Variants in BCL7C observed in about 807,000 individuals in gnomAD.
BCL7C encodes the protein B-cell CLL/lymphoma 7 protein family member C.
BCL7C carries 8 observed loss-of-function variants against 26.2 expected under a neutral mutation model. The ratio of observed to expected loss-of-function variants is 0.30; its 90% CI spans 0.18 to 0.55. The LOEUF (loss-of-function observed/expected upper bound fraction) is 0.55, where lower values mean the gene tolerates loss of function less well. Among genes scored for constraint, BCL7C ranks in the 20% least tolerant of loss-of-function variants. The pLI, the probability that BCL7C is intolerant of heterozygous loss-of-function variation, is 0.93. For missense variants in BCL7C, 262 were observed against 298.5 expected (o/e 0.88, Z 0.90); for synonymous variants, 90 against 116.5 (o/e 0.77, Z 1.47).
chr16:30,860,579 G>A (rs905725093), intron 5 of BCL7C, among the ~76,000 whole-genome samples: 1 of 152,024 alleles, frequency 6.6e-6, no homozygotes, highest in Non-Finnish European at 1.5e-5. Context: ...ATACAAACTC[G>A]ACAATGGTTC....
At chr16:30,888,768 C>T in intron 5 of BCL7C, 92 bp downstream of exon 5, 1 of 1,223,382 alleles carries the variant, frequency 8.2e-7, no homozygotes, top group South Asian at 1.3e-5. Context: ...GCCTCTCCTC[C>T]AGGCCCTCAG....
intron 5 of BCL7C, among the ~76,000 whole-genome samples, chr16:30,842,153 T>C (rs967172686): frequency 3.9e-5 from 6 of 151,900 alleles, no homozygotes; most frequent in African/African-American, 1.5e-4. Context: ...TCTAATTCAA[T>C]ACGACTGGTA....
At chr16:30,885,066 C>T (rs778906464), downstream of BCL7C, among the ~76,000 whole-genome samples, 15 of 152,198 alleles carry the variant, frequency 9.9e-5, no homozygotes, top group Non-Finnish European at 1.5e-4. Context: ...AAGAAGTCCA[C>T]ATCTGAATCC....
exon 6 of BCL7C, chr16:30,835,126 C>G: frequency 6.6e-7 from 1 of 1,522,784 alleles, no homozygotes. Flanking sequence ...AAGGGCTCTC[C>G]TCGTCATTCT....
In BCL7C at chr16:30,889,064, G is replaced by A. The variant is rs2055183038; in HGVS notation, c.443-119C>T. On this transcript the variant is annotated intron_variant, in intron 4 of 5. Coordinates refer to ENST00000215115, the MANE Select transcript of BCL7C (RefSeq NM_004765.4). ...CAGAGGGCAGAGGGCCATGGGAGCA[G>A]AGAGGAGAGAGCAGGAACCTGGCTG... 5.3e-6 allele frequency: 5 copies of A among 951,284 alleles called. No individual in the cohort carries two copies. In the Admixed American group the frequency reaches 9.8e-5, roughly 19 times the overall value. The allele number at this position is 951,284 out of a possible 1,614,324, so 58.9% of individuals were successfully genotyped here.
At chr16:30,863,981 C>T (rs1257684555) in intron 5 of BCL7C, among the ~76,000 whole-genome samples, 3 of 152,140 alleles carry the variant, frequency 2.0e-5, no homozygotes, top group Admixed American at 6.6e-5. Flanking sequence ...CTCTTATTCT[C>T]GTTCCCATTC....
At chr16:30,871,577 C>T (rs150218668) in intron 5 of BCL7C, among the ~76,000 whole-genome samples, 1,800 of 152,098 alleles carry the variant, frequency 0.012, 45 homozygotes, top group African/African-American at 0.04. Flanking sequence ...CTTCACCTCC[C>T]GGGTTCCAGT....
intron 5 of BCL7C, among the ~76,000 whole-genome samples, chr16:30,861,281 A>G (rs1017790450): frequency 2.0e-5 from 3 of 152,222 alleles, no homozygotes; most frequent in Non-Finnish European, 4.4e-5. Context: ...GAGTAGAGGC[A>G]GCCAAGTAGC....
intron 5 of BCL7C, among the ~76,000 whole-genome samples, chr16:30,842,851 A>G (rs1318343252): frequency 6.6e-6 from 1 of 152,136 alleles, no homozygotes; most frequent in Non-Finnish European, 1.5e-5. Context: ...TACAGGCATG[A>G]GCCACCGCGC....
intron 5 of BCL7C, among the ~76,000 whole-genome samples, chr16:30,882,305 A>G (rs2055055682): frequency 6.6e-6 from 1 of 152,164 alleles, no homozygotes; most frequent in African/African-American, 2.4e-5. Flanking sequence ...CCCAGCAAAC[A>G]GTAAGTACAC....
intron 5 of BCL7C, among the ~76,000 whole-genome samples, chr16:30,869,271 C>T (rs745659733): frequency 2.6e-5 from 4 of 152,058 alleles, no homozygotes; most frequent in South Asian, 2.1e-4. Context: ...TTCAGTGGCA[C>T]GATCATGGCT....
intron 5 of BCL7C, among the ~76,000 whole-genome samples, chr16:30,864,840 A>ACCCCCACC (rs983916998): frequency 3.9e-5 from 4 of 102,990 alleles, no homozygotes; most frequent in Non-Finnish European, 7.9e-5. Context: ...TCTCCCCCCC[A>ACCCCCACC]CCCCCACCCC....
chr16:30,848,925 T>C (rs1424101338), intron 5 of BCL7C, among the ~76,000 whole-genome samples: 5 of 147,568 alleles, frequency 3.4e-5, no homozygotes, highest in African/African-American at 1.0e-4. Flanking sequence ...CGGTGGTTCA[T>C]GCCTGTAATC....
At chr16:30,890,183 C>G (rs908191838) in intron 4 of BCL7C, among the ~76,000 whole-genome samples, 11 of 150,912 alleles carry the variant, frequency 7.3e-5, no homozygotes, top group African/African-American at 1.7e-4. Flanking sequence ...ATCACGAGGT[C>G]AGGAGTTCAA....
rs117866980 is a variant in BCL7C, at chr16:30,852,105, T to A, written c.529-16957A>T. On this transcript the variant is annotated intron_variant, in intron 5 of 5. Coordinates refer to the BCL7C transcript ENST00000380317. ...AATGAGAGCTTTCAGTTGGTCATTG[T>A]CAACTTCCGATGGCCAGACACTATG... 2.6e-3 allele frequency: 411 copies of A among 157,352 alleles called. 1 individual carries two copies. The highest frequency in any genetic ancestry group is 4.2e-3 in the Non-Finnish European group (294 of 70,716). The allele number at this position is 157,352 out of a possible 1,614,324, so 9.7% of individuals were successfully genotyped here. A position where few individuals can be genotyped will look rare whatever the true frequency, so the allele number is the denominator to read the frequency against.
chr16:30,838,916 C>T (rs1229550726), intron 5 of BCL7C, among the ~76,000 whole-genome samples: 2 of 152,122 alleles, frequency 1.3e-5, no homozygotes, highest in Non-Finnish European at 2.9e-5. Flanking sequence ...AAACTTTCCC[C>T]AAATCGTTAA....
chr16:30,841,455 G>C (rs532015649), intron 5 of BCL7C, among the ~76,000 whole-genome samples: 1 of 152,112 alleles, frequency 6.6e-6, no homozygotes, highest in South Asian at 2.1e-4. Context: ...CTCACACTGC[G>C]CCTGCTGCCA....
chr16:30,890,624 C>T (rs996168183), intron 4 of BCL7C, among the ~76,000 whole-genome samples: 13 of 151,926 alleles, frequency 8.6e-5, no homozygotes, highest in African/African-American at 3.1e-4. Context: ...CCGAGGCGGG[C>T]GGATCACCTG....
intron 5 of BCL7C, among the ~76,000 whole-genome samples, chr16:30,838,397 G>A (rs2054582118): frequency 6.6e-6 from 1 of 152,240 alleles, no homozygotes; most frequent in South Asian, 2.1e-4. Context: ...GAGGCACTGA[G>A]TAACGTTAGT....
Sources: gnomAD v4.1 joint callset for allele counts (sites outside exome capture counted in the v4.1 genomes callset) on GRCh38, gnomAD v4.1.1 for gene constraint, MANE v1.5 for transcripts, NCBI Gene and HGNC (gene_info 2026-07-23, HGNC 2026-07-21) for gene names.